Variants in BID observed in about 807,000 individuals in gnomAD.
The protein encoded by BID is BH3 interacting domain death agonist, also known as BH3-interacting domain death agonist.
A neutral mutation model predicts 17.4 loss-of-function variants in BID; 19 were observed. That is an observed-to-expected ratio of 1.09 (90% confidence interval 0.76 to 1.60). The LOEUF (loss-of-function observed/expected upper bound fraction) is 1.60, where lower values mean the gene tolerates loss of function less well. Ranked by LOEUF, BID falls within the 40% of genes most tolerant of loss-of-function variation. BID has a pLI of 0.00. For missense variants in BID, 226 were observed against 256.0 expected, an observed-to-expected ratio of 0.88 and a Z score of 0.80; for synonymous variants, 108 against 102.8, an observed-to-expected ratio of 1.05 and a Z score of -0.31.
intron 2 of BID, among the ~76,000 whole-genome samples, chr22:17,749,729 C>T (rs2061522532): frequency 6.6e-6 from 1 of 152,244 alleles, no homozygotes; most frequent in South Asian, 2.1e-4. Context: ...ACAATCACAG[C>T]TCACTGTAGC....
chr22:17,748,684 G>A (rs1242750620), intron 2 of BID, among the ~76,000 whole-genome samples: 1 of 152,114 alleles, frequency 6.6e-6, no homozygotes, highest in Non-Finnish European at 1.5e-5. Flanking sequence ...CCGAAGGCAA[G>A]AAAGGGGAGT....
chr22:17,762,663 GC>G, intron 1 of BID, among the ~76,000 whole-genome samples: 1 of 151,920 alleles, frequency 6.6e-6, no homozygotes, highest in Admixed American at 6.6e-5. Context: ...TGATCCTCCT[GC>G]CTCAGCTTCC....
chr22:17,761,365 A>T (rs570894093), intron 1 of BID, among the ~76,000 whole-genome samples: 13 of 152,064 alleles, frequency 8.5e-5, no homozygotes, highest in Non-Finnish European at 1.6e-4. Flanking sequence ...ATCAAAAATG[A>T]TTCTGCTATA....
At chr22:17,774,203 C>G (rs1331420194) in intron 1 of BID, among the ~76,000 whole-genome samples, 178 bp downstream of exon 1, 1 of 151,628 alleles carries the variant, frequency 6.6e-6, no homozygotes, top group Non-Finnish European at 1.5e-5. Flanking sequence ...AGAGACCCGG[C>G]CCTCAGGTCG....
In BID at chr22:17,759,913, C is replaced by T. The variant is rs1440622235; in HGVS notation, c.-58-9739G>A. On this transcript the variant is annotated intron_variant, in intron 1 of 5. Coordinates refer to ENST00000622694, the MANE Select transcript of BID (RefSeq NM_001196.4). ...ATCCCAGCACTTTGGGAGGCCGAAG[C>T]GGGTGGATCACGATGTCAGGAGATC... 2.0e-5 allele frequency among the ~76,000 whole-genome samples: 3 copies of T among 150,420 alleles called. No individual in the cohort carries two copies. The East Asian group carries it at 6.0e-4, about 30-fold the overall frequency.
chr22:17,768,612 G>A (rs904903454), intron 1 of BID, among the ~76,000 whole-genome samples: 1 of 152,334 alleles, frequency 6.6e-6, no homozygotes, highest in South Asian at 2.1e-4. Context: ...GGTGGCTCAC[G>A]CCTGTAATCC....
chr22:17,747,357 G>A (rs1484841652), intron 2 of BID, among the ~76,000 whole-genome samples: 2 of 152,166 alleles, frequency 1.3e-5, no homozygotes, highest in Non-Finnish European at 2.9e-5. Flanking sequence ...GTCTCATTCT[G>A]TTGCCCAGGC....
chr22:17,773,178 G>A lies in BID; in HGVS notation c.-59+1203C>T, dbSNP rs956114498. On this transcript the variant is annotated intron_variant, in intron 1 of 5. Coordinates refer to ENST00000622694, the MANE Select transcript of BID (RefSeq NM_001196.4). The surrounding 1 kb of genome is among the most constrained non-coding windows in gnomAD (Gnocchi z 4.4). ...GGGGCAGGGACGCACACCCTGGGCC[G>A]CAGGCAGAGGCTTGGCCAGGGTCGT... Among the ~76,000 whole-genome samples, 3 of 152,132 alleles carry A rather than the reference G, an allele frequency of 2.0e-5. No homozygotes were observed. Among genetic ancestry groups the A allele is most frequent in the Non-Finnish European group, 2.9e-5 (2 of 68,018 alleles).
intron 3 of BID, chr22:17,739,794 T>C: frequency 1.7e-6 from 1 of 577,560 alleles, no homozygotes; most frequent in Non-Finnish European, 3.1e-6. Context: ...GGTACAAGCC[T>C]GGCAGCGGCT....
Position 17,739,417 on chromosome 22 carries a change from G to A in BID, c.295C>T (p.Arg99Cys), listed in dbSNP as rs537058757. 7 of 1,611,952 alleles carry A rather than the reference G, an allele frequency of 4.3e-6. No homozygotes were observed. Among genetic ancestry groups the A allele is most frequent in the South Asian group, 3.3e-5 (3 of 91,070 alleles). ...HLAQVGDSMD[R>C]SIPPGLVNGL... The stretch of plus-strand genomic sequence containing the variant: ...TTCACCAGGCCCGGAGGGATGCTAC[G>A]GTCCATGCTGTCCCCGACCTGGGCG... The change falls in exon 4 of 6, where the codon CGT (arginine) becomes TGT (cysteine). Residue 99 changes from arginine to cysteine, a missense_variant. By Grantham distance (180) the Arg-to-Cys change is radical. Transcript: ENST00000622694.
At position 17,773,508 on chromosome 22, in the gene BID, G is replaced by T. The variant is rs1716031174; in HGVS notation, c.-59+873C>A. 22 of 1,209,740 alleles carry T rather than the reference G, an allele frequency of 1.8e-5. No individual in the cohort carries two copies. The South Asian group carries it at 2.5e-4, about 14-fold the overall frequency. 74.9% of individuals were successfully genotyped at this position (1,209,740 alleles called of 1,614,324 possible). Reference sequence around the variant, plus strand: ...GAAGGGGGTGCAAGCCTGAGAAGGTGGAAGAGCTCTGGGTGGGTCCATCTG... The same window carrying T: ...GAAGGGGGTGCAAGCCTGAGAAGGTTGAAGAGCTCTGGGTGGGTCCATCTG... On this transcript the variant is annotated intron_variant, in intron 1 of 5. Coordinates refer to ENST00000622694, the MANE Select transcript of BID (RefSeq NM_001196.4). This position sits in a 1 kb window ranked among gnomAD's most constrained non-coding sequence, Gnocchi z 4.4.
chr22:17,762,580 T>C (rs2061647544), intron 1 of BID, among the ~76,000 whole-genome samples: 2 of 107,066 alleles, frequency 1.9e-5, no homozygotes, highest in Admixed American at 1.9e-4. Flanking sequence ...AGACAGGGTC[T>C]CACTCTGTCA....
intron 1 of BID, among the ~76,000 whole-genome samples, chr22:17,766,950 G>A (rs893102874): frequency 3.9e-5 from 6 of 151,904 alleles, no homozygotes; most frequent in Non-Finnish European, 8.8e-5. Context: ...ACAGCCAGGC[G>A]TGGTGGCTCA....
At chr22:17,760,971 A>G (rs552941935) in intron 1 of BID, among the ~76,000 whole-genome samples, 2 of 152,354 alleles carry the variant, frequency 1.3e-5, no homozygotes, top group Admixed American at 1.3e-4. Context: ...CGCCAAGCCC[A>G]GAACTTCTGA....
At position 17,743,784 on chromosome 22, in the gene BID, G is replaced by A. The variant is rs529450978; in HGVS notation, c.223+19C>T. On this transcript the variant is annotated intron_variant, in intron 3 of 5. Coordinates refer to ENST00000622694, the MANE Select transcript of BID (RefSeq NM_001196.4). ...AGAGAAGCCCAGCTTTGGGGAAGGA[G>A]GTGGGGCCGGCCGCCTACCTGCCTC... The A allele has an allele frequency of 6.3e-7, 1 of 1,598,772 alleles. No homozygotes were observed. Among genetic ancestry groups the A allele is most frequent in the Non-Finnish European group, 8.5e-7 (1 of 1,172,786 alleles).
At chr22:17,750,480 T>C (rs1045687382) in intron 1 of BID, among the ~76,000 whole-genome samples, 1 of 152,234 alleles carries the variant, frequency 6.6e-6, no homozygotes, top group Non-Finnish European at 1.5e-5. Flanking sequence ...ATTATTTTAT[T>C]ATCATAAAAT....
At chr22:17,756,494 T>TTCTTTCTTTC (rs1454070298) in intron 1 of BID, among the ~76,000 whole-genome samples, 44 of 136,908 alleles carry the variant, frequency 3.2e-4, no homozygotes, top group African/African-American at 1.2e-3. Flanking sequence ...CTTTCTTTCT[T>TTCTTTCTTTC]TCTCTCTCTC....
intron 1 of BID, among the ~76,000 whole-genome samples, chr22:17,767,753 G>A (rs574830791): frequency 2.0e-5 from 3 of 152,220 alleles, no homozygotes; most frequent in Admixed American, 6.5e-5. Flanking sequence ...ACAGAGACAC[G>A]GAGAGAAAAC....
In BID at chr22:17,734,924, C is replaced by T. The variant is rs147656401; in HGVS notation, c.*656G>A. The T allele has an allele frequency of 2.6e-5, 4 of 152,354 alleles. No individual in the cohort carries two copies. In the East Asian group the frequency reaches 7.7e-4, roughly 29 times the overall value. The allele number at this position is 152,354 out of a possible 1,614,324, so 9.4% of individuals were successfully genotyped here. On this transcript the variant is annotated 3_prime_UTR_variant, in exon 6 of 6. Transcript: ENST00000622694. ...TAGAACCACAAGTGGTTCTTTTTGA[C>T]TCCAACAAAGGAAACGAAGTTGAAA...
Sources: gnomAD v4.1 joint callset for allele counts (sites outside exome capture counted in the v4.1 genomes callset) on GRCh38, gnomAD v4.1.1 for gene constraint, Gnocchi (gnomAD v3.1) non-coding constraint, MANE v1.5 for transcripts, NCBI Gene and HGNC (gene_info 2026-07-23, HGNC 2026-07-21) for gene names.